ZFYVE9: variants seen among roughly 807,000 people sequenced by gnomAD.
The protein encoded by ZFYVE9 is zinc finger FYVE-type containing 9.
A neutral mutation model predicts 126.7 loss-of-function variants in ZFYVE9; 43 were observed. The observed-to-expected ratio is 0.34, with a 90% confidence interval of 0.27 to 0.44. ZFYVE9 has a LOEUF of 0.44. Ranked by LOEUF, ZFYVE9 falls within the 20% of genes least tolerant of loss-of-function variation. The pLI is 1.00. For synonymous variants in ZFYVE9, 521 were observed against 597.4 expected, an observed-to-expected ratio of 0.87 and a Z score of 1.87; for missense variants, 1,476 against 1,697.0, an observed-to-expected ratio of 0.87 and a Z score of 2.29.
At chr1:52,286,388 C>T (rs1310210931) in intron 10 of ZFYVE9, among the ~76,000 whole-genome samples, 6 of 152,074 alleles carry the variant, frequency 3.9e-5, no homozygotes, top group Non-Finnish European at 8.8e-5. Flanking sequence ...ATTTAATAAC[C>T]ATATGTGTGT....
intron 13 of ZFYVE9, among the ~76,000 whole-genome samples, chr1:52,326,788 G>A (rs958327918): frequency 6.6e-6 from 1 of 151,294 alleles, no homozygotes; most frequent in East Asian, 1.9e-4. Context: ...AGAATCACTT[G>A]AACCCAGGAC....
In ZFYVE9 at chr1:52,237,774, C is replaced by T. The variant is rs528248496; in HGVS notation, c.357C>T (p.Asn119=). The T allele has an allele frequency of 1.2e-6, 2 of 1,614,046 alleles. No homozygotes were observed. The part of the protein sequence containing the change: ...AVAEDQLIKR[N]YSWDDQCSAV... ...CAGAAGACCAGTTAATTAAGAGAAACTATAGTTGGGATGATCAATGCAGTG... is the reference window on the plus strand; with the variant it reads ...CAGAAGACCAGTTAATTAAGAGAAATTATAGTTGGGATGATCAATGCAGTG... The change falls in exon 4 of 19, where the codon AAC becomes AAT. Residue 119 remains asparagine, a synonymous_variant. Transcript: ENST00000287727.
chr1:52,175,411 G>T (rs1159305510), intron 1 of ZFYVE9, among the ~76,000 whole-genome samples: 1 of 151,934 alleles, frequency 6.6e-6, no homozygotes, highest in South Asian at 2.1e-4. Context: ...TGGGTAACCC[G>T]ACCTTTCTCT....
chr1:52,178,028 C>A (rs1286636526), intron 1 of ZFYVE9, among the ~76,000 whole-genome samples: 1 of 151,060 alleles, frequency 6.6e-6, no homozygotes, highest in African/African-American at 2.4e-5. Context: ...GCCCGTAATC[C>A]CAGCACTTTG....
chr1:52,148,069 C>T lies in ZFYVE9; in HGVS notation c.-143+5666C>T, dbSNP rs115959440. Among the ~76,000 whole-genome samples the T allele has an allele frequency of 4.0e-3, 606 of 152,102 alleles. 6 individuals carry two copies. The highest frequency in any genetic ancestry group is 6.0e-3 in the Non-Finnish European group (411 of 67,978). On this transcript the variant is annotated intron_variant, in intron 1 of 18. Coordinates refer to ENST00000287727, the MANE Select transcript of ZFYVE9 (RefSeq NM_004799.4). ...TGCTGGGATTACAGGCATGAGCCAC[C>T]ATGCTCCTGGTTAATAACTTTTATT...
intron 13 of ZFYVE9, among the ~76,000 whole-genome samples, chr1:52,318,719 A>G (rs188683984): frequency 2.0e-5 from 3 of 152,282 alleles, no homozygotes; most frequent in Admixed American, 6.5e-5. Context: ...TACTAAGTGA[A>G]GTTAGCAAAG....
At chr1:52,331,882 C>G (rs1470497819) in intron 13 of ZFYVE9, among the ~76,000 whole-genome samples, 1 of 150,850 alleles carries the variant, frequency 6.6e-6, no homozygotes, top group African/African-American at 2.4e-5. Flanking sequence ...GGGTTCATGC[C>G]ATTCGCCTGC....
intron 4 of ZFYVE9, among the ~76,000 whole-genome samples, chr1:52,263,088 A>G (rs573556573): frequency 4.5e-4 from 68 of 151,406 alleles, no homozygotes; most frequent in South Asian, 1.3e-3. Context: ...CAAAAAAAAA[A>G]AAAAAAAAAG....
chr1:52,314,928 G>A (rs914392100), intron 13 of ZFYVE9, among the ~76,000 whole-genome samples: 3 of 152,142 alleles, frequency 2.0e-5, no homozygotes, highest in African/African-American at 7.2e-5. Flanking sequence ...AGGTTGCAGT[G>A]AGCTGAGATC....
intron 4 of ZFYVE9, chr1:52,252,652 C>A (rs115829012): frequency 4.9e-4 from 158 of 322,902 alleles, no homozygotes; most frequent in African/African-American, 3.3e-3. Context: ...GCCACCACGC[C>A]TGGCCGAAAA....
chr1:52,217,737 T>A (rs939331845), intron 2 of ZFYVE9, among the ~76,000 whole-genome samples: 1 of 152,174 alleles, frequency 6.6e-6, no homozygotes, highest in East Asian at 1.9e-4. Flanking sequence ...TTTGGCTAAT[T>A]GATTTGCTAG....
At chr1:52,151,019 C>A (rs1208591853) in intron 1 of ZFYVE9, among the ~76,000 whole-genome samples, 2 of 148,420 alleles carry the variant, frequency 1.3e-5, no homozygotes, top group Admixed American at 1.3e-4. Context: ...TAGTAGTAGC[C>A]GAGGTAAATT....
intron 7 of ZFYVE9, 148 bp downstream of exon 7, chr1:52,268,780 A>C: frequency 1.1e-6 from 1 of 934,486 alleles, no homozygotes; most frequent in Non-Finnish European, 1.5e-6. Context: ...TAAATGTGGC[A>C]AAAATCAGCT....
In ZFYVE9 at chr1:52,182,771, A is replaced by AT. The variant is rs542781891; in HGVS notation, c.-142-33598_-142-33597insT. Reference sequence around the variant, plus strand: ...TAAAAAATAAAATAAAAAATAAAAAAAAATAAATATTTTGGAACTCTTTTT... The same window carrying AT: ...TAAAAAATAAAATAAAAAATAAAAAATAAATAAATATTTTGGAACTCTTTTT... On this transcript the variant is annotated intron_variant, in intron 1 of 18. Coordinates refer to ENST00000287727, the MANE Select transcript of ZFYVE9 (RefSeq NM_004799.4). 4.8e-3 allele frequency among the ~76,000 whole-genome samples: 728 copies of AT among 152,068 alleles called. 7 individuals are homozygous for AT. Among genetic ancestry groups the AT allele is most frequent in the African/African-American group, 0.017 (688 of 41,468 alleles).
chr1:52,253,548 G>T, intron 4 of ZFYVE9: 3 of 736,286 alleles, frequency 4.1e-6, no homozygotes, highest in East Asian at 4.9e-5. Flanking sequence ...CTAGGAAGCC[G>T]AGTGGGAGTG....
intron 7 of ZFYVE9, among the ~76,000 whole-genome samples, chr1:52,272,993 C>G (rs1413740891): frequency 1.3e-5 from 2 of 150,766 alleles, no homozygotes; most frequent in African/African-American, 4.9e-5. Flanking sequence ...TTAAAAACAG[C>G]TTTTACTGTT....
Position 52,235,048 on chromosome 1 carries a change from T to C in ZFYVE9, c.70+1772T>C, listed in dbSNP as rs143906445. Among the ~76,000 whole-genome samples, 125 of 152,328 alleles carry C rather than the reference T, an allele frequency of 8.2e-4. No individual in the cohort carries two copies. In the East Asian group the frequency reaches 0.023, roughly 28 times the overall value. ...TTGTGTATAGTTGTTTTCAATACAT[T>C]TTTGTTGAATCAGTAAAAATATTTT... On this transcript the variant is annotated intron_variant, in intron 3 of 18. Coordinates refer to ENST00000287727, the MANE Select transcript of ZFYVE9 (RefSeq NM_004799.4).
At chr1:52,314,663 G>C (rs2762828) in intron 13 of ZFYVE9, among the ~76,000 whole-genome samples, 138,611 of 152,112 alleles carry the variant, frequency 0.91, 63,317 homozygotes, top group Middle Eastern at 0.95. Context: ...ACTAAAAATA[G>C]AAAAAAATTA....
At chr1:52,194,678 T>C (rs941066726) in intron 1 of ZFYVE9, among the ~76,000 whole-genome samples, 1 of 152,152 alleles carries the variant, frequency 6.6e-6, no homozygotes, top group Non-Finnish European at 1.5e-5. Flanking sequence ...CTTGGCAGTA[T>C]TTATTAAAAT....
Sources: allele counts gnomAD v4.1 joint callset (sites outside exome capture counted in the v4.1 genomes callset), GRCh38; gene constraint gnomAD v4.1.1; transcripts MANE v1.5; gene names NCBI Gene and HGNC (gene_info 2026-07-23, HGNC 2026-07-21).